BCAR1: variants seen among roughly 807,000 people sequenced by gnomAD.
BCAR1 encodes the protein breast cancer anti-estrogen resistance protein 1.
Under a neutral mutation model 67.6 loss-of-function variants are expected in BCAR1, and 30 were observed. The ratio of observed to expected loss-of-function variants is 0.44; its 90% CI spans 0.33 to 0.60. The LOEUF (loss-of-function observed/expected upper bound fraction) is 0.60. Among genes scored for constraint, BCAR1 ranks in the 20% least tolerant of loss-of-function variants. The pLI, the probability that BCAR1 is intolerant of heterozygous loss-of-function variation, is 0.02. For synonymous variants in BCAR1, 626 were observed against 556.7 expected (o/e 1.12, Z -1.75); for missense variants, 1,313 against 1,222.3 (o/e 1.07, Z -1.11).
rs903093495 is a variant in BCAR1, at chr16:75,228,613, C to T, written c.*898G>A. On this transcript the variant is annotated 3_prime_UTR_variant, in exon 7 of 7. Coordinates refer to ENST00000162330, the MANE Select transcript of BCAR1 (RefSeq NM_014567.5). ...TTTTAAGCAGAGCTCTGGATGCAGC[C>T]CCCAGCGGTGCCCTCGGCTCACAGG... The T allele has an allele frequency of 6.6e-6, 1 of 152,324 alleles. No individual in the cohort carries two copies. Among genetic ancestry groups the T allele is most frequent in the Non-Finnish European group, 1.5e-5 (1 of 68,120 alleles). 9.4% of individuals were successfully genotyped at this position (152,324 alleles called of 1,614,324 possible).
chr16:75,237,013 G>C lies in BCAR1; in HGVS notation c.796-15C>G. 1 of 1,581,076 alleles carries C rather than the reference G, an allele frequency of 6.3e-7. No homozygotes were observed. The highest frequency in any genetic ancestry group is 8.6e-7 in the Non-Finnish European group (1 of 1,160,730). The stretch of plus-strand genomic sequence containing the variant: ...GTGTCATACACCTGGGGCAGAAACA[G>C]TGCAGGGTTAACGGCGCCAGGGCCA... On this transcript the variant is annotated splice_polypyrimidine_tract_variant and intron_variant, in intron 3 of 6. Transcript: ENST00000162330.
chr16:75,253,017 C>T (rs905511741), upstream of BCAR1, among the ~76,000 whole-genome samples: 6 of 152,194 alleles, frequency 3.9e-5, no homozygotes, highest in African/African-American at 1.4e-4. Flanking sequence ...CACAGCACAG[C>T]GGGTGAGGAA....
At chr16:75,236,767 G>C (rs1008754552) in intron 4 of BCAR1, 115 bp downstream of exon 4, 21 of 1,435,136 alleles carry the variant, frequency 1.5e-5, no homozygotes, top group Non-Finnish European at 1.7e-5. Context: ...TCTGGAGCCA[G>C]TCTCTTCCTG....
intron 2 of BCAR1, chr16:75,238,272 G>T: frequency 8.6e-7 from 1 of 1,161,060 alleles, no homozygotes; most frequent in Non-Finnish European, 1.1e-6. Context: ...CCTCCCTGGT[G>T]GGATTCTCCA....
At chr16:75,251,806 C>G, upstream of BCAR1, 1 of 457,652 alleles carries the variant, frequency 2.2e-6, no homozygotes, top group Non-Finnish European at 2.9e-6. Flanking sequence ...CACCTCCAAC[C>G]CCGAGGCTCC....
chr16:75,257,617 G>A (rs1597278001), intron 1 of BCAR1, among the ~76,000 whole-genome samples: 1 of 152,188 alleles, frequency 6.6e-6, no homozygotes, highest in South Asian at 2.1e-4. Flanking sequence ...GCCATGCCTG[G>A]CTAATTTTTT....
rs559679894 is a variant in BCAR1 at position 75,228,787 on chromosome 16, C to T, written c.*724G>A. 6.6e-6 allele frequency: 1 copy of T among 152,440 alleles called. No homozygotes were observed. The highest frequency in any genetic ancestry group is 2.1e-4 in the South Asian group (1 of 4,836). 9.4% of individuals were successfully genotyped at this position (152,440 alleles called of 1,614,324 possible). On this transcript the variant is annotated 3_prime_UTR_variant, in exon 7 of 7. Transcript: ENST00000162330. ...GCTTTCTGGGCCCCAGACCCTGCAG[C>T]TCTGAAACTGCCCCCTTTCTTGGGC...
intron 1 of BCAR1, chr16:75,266,957 G>T (rs529598196): frequency 1.4e-5 from 3 of 213,494 alleles, no homozygotes; most frequent in Non-Finnish European, 2.4e-5. Context: ...GTGCCCATGT[G>T]GGGGGCGGGC....
At position 75,241,163 on chromosome 16, in the gene BCAR1, G is replaced by C. The variant is rs73621368; in HGVS notation, c.633+1307C>G. The stretch of plus-strand genomic sequence containing the variant: ...GTACACGTGTCTGTGTGTGGGGTGA[G>C]TATGCACGTGTGTTTACACATATGG... On this transcript the variant is annotated intron_variant, in intron 2 of 6. Transcript: ENST00000162330. Among the ~76,000 whole-genome samples the C allele has an allele frequency of 8.2e-3, 1,236 of 151,514 alleles. 15 individuals are homozygous for C. Among genetic ancestry groups the C allele is most frequent in the African/African-American group, 0.029 (1,176 of 40,806 alleles).
intron 1 of BCAR1, among the ~76,000 whole-genome samples, chr16:75,256,785 T>C (rs1567622683): frequency 6.6e-6 from 1 of 151,894 alleles, no homozygotes; most frequent in Non-Finnish European, 1.5e-5. Context: ...CAGCAACCCC[T>C]TCCTCTTCTG....
upstream of BCAR1, among the ~76,000 whole-genome samples, chr16:75,256,586 C>T (rs1567622506): frequency 6.6e-6 from 1 of 152,194 alleles, no homozygotes; most frequent in Non-Finnish European, 1.5e-5. Context: ...TACGCCTCCA[C>T]TTCAGGCCTG....
chr16:75,234,454 C>A (rs145411641), intron 5 of BCAR1, among the ~76,000 whole-genome samples: 49 of 152,320 alleles, frequency 3.2e-4, no homozygotes, highest in African/African-American at 1.1e-3. Context: ...CTGGTCCCTG[C>A]CCCTGGATGC....
chr16:75,235,829 G>A lies in BCAR1; in HGVS notation c.1070C>T (p.Pro357Leu), dbSNP rs532003825. 118 of 1,577,262 alleles carry A rather than the reference G, an allele frequency of 7.5e-5. 1 individual carries two copies. The highest frequency in any genetic ancestry group is 1.7e-4 in the Middle Eastern group (1 of 6,002). The change falls in exon 5 of 7, where the codon CCG becomes CTG. Residue 357 changes from proline (P) to leucine (L), a missense_variant. Around this residue, in one of 2 missense-constraint regions of BCAR1, gnomAD observed 1,272 missense variants for 1,137.5 expected, o/e 1.12. Transcript: ENST00000162330. ...CGGCACGTCATACACGTCCTCGGCC[G>A]GCGGGGAGTCTGGAGGGGGCGCAGC... ...VLAAPPPDSP[P>L]AEDVYDVPPP...
intron 2 of BCAR1, chr16:75,238,516 G>A (rs1270202881): frequency 2.0e-6 from 2 of 993,920 alleles, no homozygotes; most frequent in African/African-American, 3.5e-5. Flanking sequence ...CCTGCTTGCT[G>A]AGGGTGCTGT....
chr16:75,245,750 G>A (rs533281062), intron 1 of BCAR1, among the ~76,000 whole-genome samples: 2 of 152,242 alleles, frequency 1.3e-5, no homozygotes, highest in South Asian at 2.1e-4. Context: ...TCTGGACGCT[G>A]CTGGTACACA....
At chr16:75,248,255 C>A in intron 1 of BCAR1, 4 of 1,481,980 alleles carry the variant, frequency 2.7e-6, no homozygotes, top group Non-Finnish European at 3.6e-6. Context: ...CCCCTCCTGT[C>A]CACGCCCCCA....
chr16:75,245,221 G>A (rs1020422181), intron 1 of BCAR1, among the ~76,000 whole-genome samples: 9 of 152,176 alleles, frequency 5.9e-5, no homozygotes, highest in Non-Finnish European at 1.3e-4. Context: ...ACAGCCCATC[G>A]GGGGCGGGCC....
intron 1 of BCAR1, chr16:75,248,203 G>A: frequency 5.1e-6 from 8 of 1,557,108 alleles, no homozygotes; most frequent in Non-Finnish European, 6.9e-6. Context: ...TGACGCCTGG[G>A]TTCGTGGAAA....
chr16:75,246,927 G>C (rs2077538651), intron 1 of BCAR1: 1 of 152,338 alleles, frequency 6.6e-6, no homozygotes. Flanking sequence ...GGGGTGCAAA[G>C]CCAGTCCAGG....
Sources: allele counts gnomAD v4.1 joint callset (sites outside exome capture counted in the v4.1 genomes callset), GRCh38; gene constraint gnomAD v4.1.1; regional missense constraint gnomAD v4.1.1; transcripts MANE v1.5; gene names NCBI Gene and HGNC (gene_info 2026-07-23, HGNC 2026-07-21).